Variants in COL6A3 observed in about 807,000 individuals in gnomAD.
COL6A3 encodes the protein collagen alpha-3(VI) chain.
Under a neutral mutation model 274.1 loss-of-function variants are expected in COL6A3, and 137 were observed. The ratio of observed to expected loss-of-function variants is 0.50; its 90% CI spans 0.44 to 0.58. The LOEUF (loss-of-function observed/expected upper bound fraction) is 0.58. COL6A3 is among the 20% of genes least tolerant of loss of function. COL6A3 has a pLI of 0.00. For missense variants in COL6A3, 3,950 were observed against 4,124.9 expected (o/e 0.96, Z 1.16); for synonymous variants, 1,650 against 1,650.6 (o/e 1.00, Z 0.01).
intron 4 of COL6A3, among the ~76,000 whole-genome samples, 194 bp downstream of exon 4, chr2:237,387,388 A>G (rs955831081): frequency 1.3e-5 from 2 of 152,152 alleles, no homozygotes. Context: ...TCACTCACTC[A>G]TTGGTCTTTA....
At chr2:237,334,995 C>G in intron 40 of COL6A3, 106 bp from the exon 41 acceptor site, 10 of 1,399,154 alleles carry the variant, frequency 7.1e-6, no homozygotes, top group Non-Finnish European at 1.0e-5. Context: ...GACAAATTGA[C>G]TTGAAATTTA....
intron 42 of COL6A3, chr2:237,328,664 G>A (rs1157467217): frequency 6.6e-6 from 1 of 152,172 alleles, no homozygotes; most frequent in Admixed American, 6.5e-5. Flanking sequence ...TCTTCAAAGT[G>A]GAAAACATAT....
At position 237,324,708 on chromosome 2, in the gene COL6A3, C is replaced by T. The variant is rs1699839057; in HGVS notation, c.*66G>A. 10 of 1,505,406 alleles carry T rather than the reference C, an allele frequency of 6.6e-6. No individual in the cohort carries two copies. In the Admixed American group the frequency reaches 1.7e-4, roughly 25 times the overall value. The allele number at this position is 1,505,406 out of a possible 1,614,324, so 93.3% of individuals were successfully genotyped here. ...AGGGAATCTACACCCGGAGCTTCTA[C>T]AGAGACAAGTTGGCGATGGCTGACT... On this transcript the variant is annotated 3_prime_UTR_variant, in exon 44 of 44. Transcript: ENST00000295550.
Position 237,344,889 on chromosome 2 carries a change from T to A in COL6A3, c.7175-46A>T, listed in dbSNP as rs2077067338. The A allele has an allele frequency of 6.2e-7, 1 of 1,613,896 alleles. No individual in the cohort carries two copies. The highest frequency in any genetic ancestry group is 1.1e-5 in the South Asian group (1 of 91,082). The stretch of plus-strand genomic sequence containing the variant: ...AGGGTTAAAGACAAACTGTACTTAC[T>A]ACAAAAGGGAGGCTTCCTTTCCTTA... On this transcript the variant is annotated intron_variant, in intron 35 of 43. Coordinates refer to ENST00000295550, the MANE Select transcript of COL6A3 (RefSeq NM_004369.4). This position sits in a 1 kb window ranked among gnomAD's most constrained non-coding sequence, Gnocchi z 4.8.
intron 7 of COL6A3, among the ~76,000 whole-genome samples, chr2:237,376,335 T>C (rs533310762): frequency 3.1e-4 from 47 of 152,346 alleles, no homozygotes; most frequent in Admixed American, 2.0e-4. Context: ...CTACCTCTTC[T>C]ACTCCTTTAA....
Position 237,411,174 on chromosome 2 carries a change from C to T in COL6A3, c.-31+2779G>A, listed in dbSNP as rs61259422. Among the ~76,000 whole-genome samples the T allele has an allele frequency of 3.1e-3, 466 of 152,294 alleles. 1 individual carries two copies. The highest frequency in any genetic ancestry group is 0.011 in the African/African-American group (442 of 41,560). On this transcript the variant is annotated intron_variant, in intron 1 of 43. Transcript: ENST00000295550. ...ACACAACATCCCTGTCAGATGGAAA[C>T]CGCCTGCAATCCTTCCCCCAAGAGA...
rs1312482505 is a variant in COL6A3, at chr2:237,396,740, C to T, written c.78G>A (p.Gln26=). Residue 26 remains glutamine, a synonymous_variant, in exon 2 of 44, where the codon CAG becomes CAA. Coordinates refer to ENST00000295550, the MANE Select transcript of COL6A3 (RefSeq NM_004369.4). The stretch of plus-strand genomic sequence containing the variant: ...TCTGGCTCTTACCTGCTTGCTGCTG[C>T]TGGGCATGAGTTGTAGGAAAGCCTG... ...FLSGFPTTHA[Q]QQQADVKNGA... 6.2e-7 allele frequency: 1 copy of T among 1,614,110 alleles called. No homozygotes were observed. The highest frequency in any genetic ancestry group is 8.5e-7 in the Non-Finnish European group (1 of 1,179,994).
chr2:237,339,718 G>C (rs2076943635), intron 38 of COL6A3, among the ~76,000 whole-genome samples: 1 of 152,116 alleles, frequency 6.6e-6, no homozygotes, highest in Admixed American at 6.5e-5. Flanking sequence ...AGCCTTGCCT[G>C]TACTGACCCT....
intron 6 of COL6A3, among the ~76,000 whole-genome samples, chr2:237,377,778 A>T (rs2077889731): frequency 6.6e-6 from 1 of 152,226 alleles, no homozygotes. Flanking sequence ...ATATGGGTCA[A>T]CCACTCAAAG....
In COL6A3 at chr2:237,338,932, C is replaced by A. The variant is rs1456001642; in HGVS notation, c.8567+83G>T. ...ATTTTCTGGATTTCAAGGTCCTCAT[C>A]CCATAAAGTCAGGAGGTGGTTGGAG... On this transcript the variant is annotated intron_variant, in intron 39 of 43. Transcript: ENST00000295550. 20 of 1,027,432 alleles carry A rather than the reference C, an allele frequency of 1.9e-5. No individual in the cohort carries two copies. The Admixed American group carries it at 3.7e-4, about 19-fold the overall frequency. The allele number at this position is 1,027,432 out of a possible 1,614,324, so 63.6% of individuals were successfully genotyped here.
intron 25 of COL6A3, 132 bp downstream of exon 25, chr2:237,353,209 G>A: frequency 1.2e-6 from 1 of 851,026 alleles, no homozygotes; most frequent in Non-Finnish European, 1.9e-6. Context: ...GCACAGCATT[G>A]TGGAAGTACC....
At chr2:237,360,771 G>C (rs1274832194) in intron 16 of COL6A3, among the ~76,000 whole-genome samples, 1 of 152,150 alleles carries the variant, frequency 6.6e-6, no homozygotes, top group African/African-American at 2.4e-5. Context: ...GCCCTGGTGA[G>C]GTCTCCTGCT....
intron 39 of COL6A3, 160 bp downstream of exon 39, chr2:237,338,855 G>T: frequency 1.6e-6 from 1 of 627,962 alleles, no homozygotes; most frequent in East Asian, 2.8e-5. Flanking sequence ...AAAGCTAACT[G>T]ATAAAACAGA....
chr2:237,365,777 T>TGGGTTG lies in COL6A3; in HGVS notation c.5758_5759insCAACCC (p.Ser1919_Gln1920insProThr). On this transcript the variant is annotated inframe_insertion, in exon 12 of 44. Transcript: ENST00000295550. ...GTCCTCCGTGAGGACGTAGGGGTGC[T>TGGGTTG]GGCTGCGCATGTTCCGGAACTTCTC... 1 of 1,614,228 alleles carries TGGGTTG rather than the reference T, an allele frequency of 6.2e-7. No homozygotes were observed. Among genetic ancestry groups the TGGGTTG allele is most frequent in the Non-Finnish European group, 8.5e-7 (1 of 1,180,038 alleles).
chr2:237,395,082 C>T lies in COL6A3; in HGVS notation c.214G>A (p.Gly72Arg). 3 of 1,614,068 alleles carry T rather than the reference C, an allele frequency of 1.9e-6. No homozygotes were observed. Among genetic ancestry groups the T allele is most frequent in the Non-Finnish European group, 2.5e-6 (3 of 1,180,030 alleles). ...LYDVVKSLAVGENDFHFALVQ... is the reference protein window; with the variant it reads ...LYDVVKSLAVRENDFHFALVQ... ...AGAGCAAAATGGAAATCATTTTCTC[C>T]CACAGCTAAGGATTTTACAACATCA... Residue 72 changes from glycine (G) to arginine (R), a missense_variant, in exon 3 of 44, where the codon GGA becomes AGA. Transcript: ENST00000295550.
chr2:237,412,379 C>T (rs2078878542), intron 1 of COL6A3, among the ~76,000 whole-genome samples: 1 of 152,192 alleles, frequency 6.6e-6, no homozygotes, highest in African/African-American at 2.4e-5. Context: ...GCAGTTTTCC[C>T]AACGAGATGT....
In COL6A3 at chr2:237,368,420, T is replaced by C; in HGVS notation, c.4900+143A>G. On this transcript the variant is annotated intron_variant, in intron 10 of 43. Transcript: ENST00000295550. This position sits in a 1 kb window ranked among gnomAD's most constrained non-coding sequence, Gnocchi z 4.4. ...CCTTCTGCAATTTCAATGGAACTACTTTTCCAGTATTTAATTTCTAATATT... is the reference window on the plus strand; with the variant it reads ...CCTTCTGCAATTTCAATGGAACTACCTTTCCAGTATTTAATTTCTAATATT... 1.9e-6 allele frequency: 2 copies of C among 1,053,876 alleles called. No individual in the cohort carries two copies. The highest frequency in any genetic ancestry group is 2.6e-5 in the East Asian group (1 of 38,232). The allele number at this position is 1,053,876 out of a possible 1,614,324, so 65.3% of individuals were successfully genotyped here. A position where few individuals can be genotyped will look rare whatever the true frequency, so the allele number is the denominator to read the frequency against.
chr2:237,367,772 C>T (rs755860405), intron 10 of COL6A3, among the ~76,000 whole-genome samples: 2 of 152,162 alleles, frequency 1.3e-5, no homozygotes, highest in African/African-American at 4.8e-5. Flanking sequence ...TAGGAAGAGG[C>T]CCCTTAACCT....
At chr2:237,375,486 C>A (rs1419750052) in intron 7 of COL6A3, among the ~76,000 whole-genome samples, 2 of 152,146 alleles carry the variant, frequency 1.3e-5, no homozygotes, top group East Asian at 1.9e-4. Flanking sequence ...CAATTTCCAG[C>A]CTTCAAAACT....
Sources: gnomAD v4.1 joint callset for allele counts (sites outside exome capture counted in the v4.1 genomes callset) on GRCh38, gnomAD v4.1.1 for gene constraint, Gnocchi (gnomAD v3.1) non-coding constraint, MANE v1.5 for transcripts, NCBI Gene and HGNC (gene_info 2026-07-23, HGNC 2026-07-21) for gene names.